FSIP1: variants seen among roughly 807,000 people sequenced by gnomAD.
FSIP1 encodes the protein fibrous sheath interacting protein 1, also known as fibrous sheath-interacting protein 1.
FSIP1 carries 65 observed loss-of-function variants against 60.9 expected under a neutral mutation model. The observed-to-expected ratio is 1.07, with a 90% CI of 0.87 to 1.31. FSIP1 has a LOEUF of 1.31. Ranked by LOEUF, FSIP1 falls within the 40% of genes most tolerant of loss-of-function variation. The pLI is 0.00. For missense variants in FSIP1, 675 were observed against 665.5 expected (o/e 1.01, Z -0.16); for synonymous variants, 209 against 221.2 (o/e 0.94, Z 0.49).
At chr15:39,685,523 C>T (rs967611358) in intron 10 of FSIP1, among the ~76,000 whole-genome samples, 1 of 152,146 alleles carries the variant, frequency 6.6e-6, no homozygotes, top group Non-Finnish European at 1.5e-5. Flanking sequence ...CAACACCCTC[C>T]AGGAATTCTG....
intron 10 of FSIP1, among the ~76,000 whole-genome samples, chr15:39,698,209 C>T (rs1446610365): frequency 1.4e-5 from 2 of 148,132 alleles, no homozygotes; most frequent in African/African-American, 4.9e-5. Flanking sequence ...ATATAATATA[C>T]AATTAATAAT....
At chr15:39,623,433 A>G (rs576142307) in intron 10 of FSIP1, among the ~76,000 whole-genome samples, 23 of 152,324 alleles carry the variant, frequency 1.5e-4, no homozygotes, top group African/African-American at 5.5e-4. Context: ...CACAAGTGAG[A>G]AAAGGGTGGA....
chr15:39,686,374 ACTTTTCCCATT>A (rs1894374535), intron 10 of FSIP1, among the ~76,000 whole-genome samples: 1 of 152,254 alleles, frequency 6.6e-6, no homozygotes, highest in African/African-American at 2.4e-5. Context: ...TCAATTAAAA[ACTTTTCCCATT>A]AATTTCTACA....
intron 10 of FSIP1, among the ~76,000 whole-genome samples, chr15:39,646,167 G>A (rs892815814): frequency 2.0e-5 from 3 of 152,120 alleles, no homozygotes; most frequent in Admixed American, 6.5e-5. Context: ...AGCTGGAGAC[G>A]ATGGGAAGAC....
intron 9 of FSIP1, among the ~76,000 whole-genome samples, chr15:39,714,969 T>G (rs1895679230): frequency 2.9e-5 from 2 of 68,296 alleles, no homozygotes; most frequent in African/African-American, 4.7e-5. Context: ...TGAGACTCTG[T>G]CTCAAAAAAA....
At chr15:39,619,736 T>A (rs1328895100) in intron 10 of FSIP1, among the ~76,000 whole-genome samples, 2 of 152,160 alleles carry the variant, frequency 1.3e-5, no homozygotes, top group Admixed American at 1.3e-4. Flanking sequence ...TTTCAAACTT[T>A]GCTTATGTAA....
At chr15:39,604,807 G>T (rs544600267) in intron 11 of FSIP1, among the ~76,000 whole-genome samples, 1 of 152,310 alleles carries the variant, frequency 6.6e-6, no homozygotes, top group Non-Finnish European at 1.5e-5. Flanking sequence ...TTAAGGCAAT[G>T]ATGAGTTAAG....
At position 39,676,075 on chromosome 15, in the gene FSIP1, A is replaced by C. The variant is rs182528261; in HGVS notation, c.1188+37369T>G. Among the ~76,000 whole-genome samples the C allele has an allele frequency of 1.3e-4, 19 of 150,840 alleles. No homozygotes were observed. In the East Asian group the frequency reaches 3.7e-3, roughly 29 times the overall value. ...GTAGTTCCAGCTACTTGAAAGGCTG[A>C]GGCAGAAGAATGGCGTGAACCCGGA... On this transcript the variant is annotated intron_variant, in intron 10 of 11. Transcript: ENST00000350221.
At chr15:39,656,843 T>C (rs574134802) in intron 10 of FSIP1, among the ~76,000 whole-genome samples, 1 of 152,340 alleles carries the variant, frequency 6.6e-6, no homozygotes, top group Non-Finnish European at 1.5e-5. Flanking sequence ...TATTCTTAAC[T>C]ACTCAAACTC....
chr15:39,761,066 A>G (rs886950347), intron 5 of FSIP1, among the ~76,000 whole-genome samples: 1 of 152,312 alleles, frequency 6.6e-6, no homozygotes, highest in Non-Finnish European at 1.5e-5. Context: ...CAAAAACACA[A>G]AAGATAAATT....
At chr15:39,617,371 C>T (rs536850028) in intron 11 of FSIP1, among the ~76,000 whole-genome samples, 6 of 152,214 alleles carry the variant, frequency 3.9e-5, no homozygotes, top group Non-Finnish European at 7.4e-5. Context: ...TAAATTCATT[C>T]CTTAGAACAA....
chr15:39,672,711 G>A (rs1893770549), intron 10 of FSIP1, among the ~76,000 whole-genome samples: 1 of 152,194 alleles, frequency 6.6e-6, no homozygotes, highest in Admixed American at 6.5e-5. Context: ...ACTCACGGTA[G>A]TTATTAAAAT....
At position 39,706,156 on chromosome 15, in the gene FSIP1, T is replaced by C. The variant is rs149892322; in HGVS notation, c.1188+7288A>G. 1.4e-3 allele frequency among the ~76,000 whole-genome samples: 209 copies of C among 152,326 alleles called. 3 individuals are homozygous for C. The highest frequency in any genetic ancestry group is 6.5e-4 in the Non-Finnish European group (44 of 68,024). On this transcript the variant is annotated intron_variant, in intron 10 of 11. Transcript: ENST00000350221. ...AACATTTATTTCCTGGGTTTTTTGT[T>C]TGGTTGGTTGTTTGGTTTCCTCGGG...
chr15:39,618,296 T>C (rs1411820847), intron 10 of FSIP1, 51 bp from the exon 11 acceptor site: 5 of 1,471,338 alleles, frequency 3.4e-6, no homozygotes, highest in East Asian at 2.3e-5. Flanking sequence ...AGTAAACACA[T>C]TTATTTTTGG....
chr15:39,670,991 G>A lies in FSIP1; in HGVS notation c.1188+42453C>T, dbSNP rs781587685. Among the ~76,000 whole-genome samples, 6 of 152,222 alleles carry A rather than the reference G, an allele frequency of 3.9e-5. No homozygotes were observed. The South Asian group carries it at 6.2e-4, about 16-fold the overall frequency. On this transcript the variant is annotated intron_variant, in intron 10 of 11. Transcript: ENST00000350221. ...CTGAAAAAATAACACTTGACAAACT[G>A]ACAGAAAAATGCTACCTCCTGCAGA...
chr15:39,726,118 T>C (rs1896184847), intron 9 of FSIP1, among the ~76,000 whole-genome samples: 1 of 152,136 alleles, frequency 6.6e-6, no homozygotes, highest in South Asian at 2.1e-4. Context: ...AGGGAACTAC[T>C]GAGAGAAGAA....
At chr15:39,729,266 C>T (rs907453855) in intron 8 of FSIP1, among the ~76,000 whole-genome samples, 1 of 152,226 alleles carries the variant, frequency 6.6e-6, no homozygotes, top group Non-Finnish European at 1.5e-5. Context: ...ATAAATCATT[C>T]TACCATAAAG....
intron 8 of FSIP1, among the ~76,000 whole-genome samples, chr15:39,733,838 G>T (rs946164420): frequency 4.6e-5 from 7 of 152,152 alleles, no homozygotes; most frequent in African/African-American, 1.7e-4. Flanking sequence ...TAGGAATGTA[G>T]AACAGGAGGA....
chr15:39,765,095 G>T (rs1382154710), intron 4 of FSIP1, among the ~76,000 whole-genome samples: 1 of 151,908 alleles, frequency 6.6e-6, no homozygotes, highest in African/African-American at 2.4e-5. Context: ...TTCTTCTCAG[G>T]TTCCAGAAAA....
Sources: gnomAD v4.1 joint callset for allele counts (sites outside exome capture counted in the v4.1 genomes callset) on GRCh38, gnomAD v4.1.1 for gene constraint, MANE v1.5 for transcripts, NCBI Gene and HGNC (gene_info 2026-07-23, HGNC 2026-07-21) for gene names.